TBX20: variants seen among roughly 807,000 people sequenced by gnomAD.
TBX20 encodes the protein T-box transcription factor TBX20.
TBX20 carries 8 observed loss-of-function variants against 42.9 expected under a neutral mutation model. That is an observed-to-expected ratio of 0.19 (90% CI 0.11 to 0.34). The LOEUF is 0.34. Among genes scored for constraint, TBX20 ranks in the 10% least tolerant of loss-of-function variants. The pLI, the probability that TBX20 is intolerant of heterozygous loss-of-function variation, is 1.00. For synonymous variants in TBX20, 198 were observed against 222.8 expected, an observed-to-expected ratio of 0.89 and a Z score of 0.99; for missense variants, 411 against 566.0, an observed-to-expected ratio of 0.73 and a Z score of 2.78.
rs1789326286 is a variant in TBX20 at position 35,202,731 on chromosome 7, G to C, written c.1043C>G (p.Ser348Cys). Residue 348 changes from serine (S) to cysteine (C), a missense_variant, in exon 8 of 8, where the codon TCC (serine) becomes TGC (cysteine). Physicochemically the swap from Ser to Cys is moderately radical, Grantham distance 112. This residue lies in a region of TBX20 where 162 missense variants were observed against 205.4 expected (regional missense o/e 0.79). Coordinates refer to ENST00000408931, the MANE Select transcript of TBX20 (RefSeq NM_001077653.2). ...FTTSDNLSLS[S>C]WVSSSSSFPG... is the part of the protein sequence containing the mutation. ...AAAACTGGAAGAAGATGATACCCAG[G>C]AGCTGAGAGACAAATTATCAGATGT... 6.3e-7 allele frequency: 1 copy of C among 1,575,368 alleles called. No individual in the cohort carries two copies. The highest frequency in any genetic ancestry group is 8.6e-7 in the Non-Finnish European group (1 of 1,160,382).
chr7:35,228,159 TAAG>T (rs1161097471), intron 6 of TBX20, among the ~76,000 whole-genome samples: 1 of 151,970 alleles, frequency 6.6e-6, no homozygotes, highest in Non-Finnish European at 1.5e-5. Flanking sequence ...TGGTAATAAT[TAAG>T]AAGATGTGTA....
At chr7:35,240,309 T>C (rs1425208117) in intron 5 of TBX20, among the ~76,000 whole-genome samples, 2 of 152,160 alleles carry the variant, frequency 1.3e-5, no homozygotes, top group Non-Finnish European at 2.9e-5. Flanking sequence ...ATTTTGGGTT[T>C]TTGGATTAGG....
At chr7:35,231,172 G>A (rs13312320) in intron 6 of TBX20, among the ~76,000 whole-genome samples, 2 of 152,164 alleles carry the variant, frequency 1.3e-5, no homozygotes, top group African/African-American at 4.8e-5. Flanking sequence ...TCACGGTTCT[G>A]TTTCTCTATA....
At chr7:35,208,602 C>T (rs1789440139) in intron 6 of TBX20, among the ~76,000 whole-genome samples, 1 of 151,944 alleles carries the variant, frequency 6.6e-6, no homozygotes, top group African/African-American at 2.4e-5. Flanking sequence ...ATCAGCTGGG[C>T]ATGATGGCCC....
chr7:35,253,413 TGC>T, intron 1 of TBX20, 79 bp downstream of exon 1: 2 of 1,524,148 alleles, frequency 1.3e-6, no homozygotes, highest in Non-Finnish European at 1.8e-6. Context: ...CAGACGTTGC[TGC>T]GAGCCGCCTG....
intron 6 of TBX20, among the ~76,000 whole-genome samples, chr7:35,224,690 A>G (rs1367530620): frequency 6.6e-6 from 1 of 151,936 alleles, no homozygotes; most frequent in Non-Finnish European, 1.5e-5. Context: ...AAAAAATTCC[A>G]GGCAGGAATA....
intron 6 of TBX20, among the ~76,000 whole-genome samples, chr7:35,208,134 T>C (rs1047708111): frequency 3.3e-5 from 5 of 152,228 alleles, no homozygotes; most frequent in African/African-American, 1.2e-4. Context: ...TAGTTTTAAG[T>C]ATATATGTCT....
chr7:35,249,823 C>T lies in TBX20; in HGVS notation c.380+128G>A. 9.3e-7 allele frequency: 1 copy of T among 1,071,666 alleles called. No individual in the cohort carries two copies. Among genetic ancestry groups the T allele is most frequent in the Non-Finnish European group, 1.3e-6 (1 of 747,336 alleles). The allele number at this position is 1,071,666 out of a possible 1,614,324, so 66.4% of individuals were successfully genotyped here. On this transcript the variant is annotated intron_variant, in intron 2 of 7. Transcript: ENST00000408931. The surrounding 1 kb of genome is among the most constrained non-coding windows in gnomAD (Gnocchi z 4.3). ...ATGCAAGCTGGTGGAAAGCAGCTGC[C>T]CTGGAGCCAAGCTGTCTCTCCGCTC...
Position 35,248,859 on chromosome 7 carries a change from A to T in TBX20, c.381-18T>A. 3.1e-6 allele frequency: 5 copies of T among 1,614,070 alleles called. No individual in the cohort carries two copies. The highest frequency in any genetic ancestry group is 4.2e-6 in the Non-Finnish European group (5 of 1,179,968). On this transcript the variant is annotated intron_variant, in intron 2 of 7. Transcript: ENST00000408931. ...ACATCCTCCTGACAGAGAGAGAGAG[A>T]GAGAATGGGCCCTGTTTATGCTGCC...
intron 3 of TBX20, among the ~76,000 whole-genome samples, chr7:35,245,691 G>A (rs2128715413): frequency 6.6e-6 from 1 of 152,240 alleles, no homozygotes; most frequent in South Asian, 2.1e-4. Context: ...CTGTTTATGT[G>A]CTCACTAAAT....
chr7:35,229,593 A>G (rs1789833773), intron 6 of TBX20, among the ~76,000 whole-genome samples: 2 of 152,166 alleles, frequency 1.3e-5, no homozygotes, highest in South Asian at 4.1e-4. Flanking sequence ...TGCTTATCCA[A>G]TAAGTGGAAA....
intron 1 of TBX20, among the ~76,000 whole-genome samples, chr7:35,251,693 A>C (rs190693100): frequency 3.9e-4 from 59 of 152,344 alleles, no homozygotes; most frequent in Non-Finnish European, 6.0e-4. Flanking sequence ...CAGCAGACTG[A>C]AGCTGTTCCT....
intron 6 of TBX20, among the ~76,000 whole-genome samples, chr7:35,229,849 T>C (rs1789838031): frequency 6.6e-6 from 1 of 152,194 alleles, no homozygotes; most frequent in South Asian, 2.1e-4. Flanking sequence ...GCCAGCTTAT[T>C]TGATTCTCAG....
intron 6 of TBX20, among the ~76,000 whole-genome samples, chr7:35,210,743 C>T (rs1401115302): frequency 6.6e-6 from 1 of 152,062 alleles, no homozygotes. Flanking sequence ...TGTTAACATG[C>T]TACTTTTTTT....
chr7:35,244,914 C>T, intron 4 of TBX20, 35 bp downstream of exon 4: 2 of 1,517,796 alleles, frequency 1.3e-6, no homozygotes, highest in Non-Finnish European at 1.8e-6. Flanking sequence ...CATTCTACCT[C>T]AGGGAACCTG....
chr7:35,215,372 T>TA (rs1789566047), intron 6 of TBX20, among the ~76,000 whole-genome samples: 1 of 152,318 alleles, frequency 6.6e-6, no homozygotes, highest in Middle Eastern at 3.4e-3. Context: ...CCATGATGTT[T>TA]ACTTTATGTC....
chr7:35,242,776 A>AC (rs1790108447), intron 4 of TBX20, among the ~76,000 whole-genome samples: 7 of 152,288 alleles, frequency 4.6e-5, no homozygotes, highest in African/African-American at 1.7e-4. Context: ...AGGAACACTA[A>AC]TAGAAACGTG....
chr7:35,247,355 A>C (rs959380784), intron 3 of TBX20, among the ~76,000 whole-genome samples: 2 of 151,992 alleles, frequency 1.3e-5, no homozygotes, highest in African/African-American at 2.4e-5. Flanking sequence ...AAACTGGTGA[A>C]TCTTGCTCAA....
chr7:35,253,117 C>T (rs1431330812), intron 1 of TBX20, among the ~76,000 whole-genome samples: 1 of 126,506 alleles, frequency 7.9e-6, no homozygotes, highest in Non-Finnish European at 1.7e-5. Context: ...AGTCCTTTAG[C>T]GTCTCCGTTT....
Sources: allele counts gnomAD v4.1 joint callset (sites outside exome capture counted in the v4.1 genomes callset), GRCh38; gene constraint gnomAD v4.1.1; regional missense constraint gnomAD v4.1.1; non-coding constraint Gnocchi (gnomAD v3.1); transcripts MANE v1.5; gene names NCBI Gene and HGNC (gene_info 2026-07-23, HGNC 2026-07-21).